Variants in GPR153 observed in about 807,000 individuals in gnomAD.
GPR153 encodes probable G protein-coupled receptor 153.
GPR153 carries 27 observed loss-of-function variants against 34.1 expected under a neutral mutation model. The ratio of observed to expected loss-of-function variants is 0.79; its 90% confidence interval spans 0.58 to 1.09. The LOEUF (loss-of-function observed/expected upper bound fraction) is 1.09. Among genes scored for constraint, GPR153 ranks in the 50% least tolerant of loss-of-function variants. The pLI is 0.00. For synonymous variants in GPR153, 408 were observed against 405.4 expected (o/e 1.01, Z -0.08); for missense variants, 848 against 860.2 (o/e 0.99, Z 0.18).
At position 6,261,037 on chromosome 1, in the gene GPR153, GCGC is replaced by G. The variant is rs922469304; in HGVS notation, c.-325_-323del. 3.4e-5 allele frequency: 5 copies of G among 147,098 alleles called. No homozygotes were observed. The highest frequency in any genetic ancestry group is 2.0e-4 in the South Asian group (1 of 4,970). 9.1% of individuals were successfully genotyped at this position (147,098 alleles called of 1,614,324 possible). On this transcript the variant is annotated 5_prime_UTR_variant, in exon 1 of 6. Transcript: ENST00000377893. ...GCCCCGCCGCCCCTCCCTCCCCTAG[GCGC>G]CGCCGCCGCCGCCGCGCTTCGCTCA... is the stretch of plus-strand genomic sequence containing the variant.
rs954608114 is a variant in GPR153, at chr1:6,251,967, C to T, written c.787-437G>A. On this transcript the variant is annotated intron_variant, in intron 3 of 5. Transcript: ENST00000377893. This position sits in a 1 kb window ranked among gnomAD's most constrained non-coding sequence, Gnocchi z 4.9. ...TGAATCACTGTGCCCGGCTGCCATC[C>T]CCTTTTTGAGATGAGGAAACTGAGG... is the stretch of plus-strand genomic sequence containing the variant. 2.0e-5 allele frequency among the ~76,000 whole-genome samples: 3 copies of T among 152,158 alleles called. No homozygotes were observed. The highest frequency in any genetic ancestry group is 7.2e-5 in the African/African-American group (3 of 41,432).
rs529208170 is a variant in GPR153, at chr1:6,255,230, G to A, written c.-109-216C>T. Among the ~76,000 whole-genome samples, 188 of 149,590 alleles carry A rather than the reference G, an allele frequency of 1.3e-3. 1 individual carries two copies. The highest frequency in any genetic ancestry group is 7.1e-3 in the South Asian group (34 of 4,768). ...TTTTTTTTTTTGGAGACAGAGTCTC[G>A]CTCCGTAGCCCAGGCTGGAGTGCAG... On this transcript the variant is annotated intron_variant, in intron 1 of 5. Transcript: ENST00000377893.
At position 6,251,318 on chromosome 1, in the gene GPR153, C is replaced by A; in HGVS notation, c.979+20G>T. 1 of 1,577,352 alleles carries A rather than the reference C, an allele frequency of 6.3e-7. No homozygotes were observed. The highest frequency in any genetic ancestry group is 1.2e-5 in the South Asian group (1 of 86,244). ...ACCTAGACGCCACTCTCCCTGGGGC[C>A]ACTCTCAGGCCATCCTCACCATCGT... On this transcript the variant is annotated intron_variant, in intron 4 of 5. Transcript: ENST00000377893. This position sits in a 1 kb window ranked among gnomAD's most constrained non-coding sequence, Gnocchi z 4.9.
chr1:6,258,626 C>T (rs79532140), intron 1 of GPR153, among the ~76,000 whole-genome samples: 2,730 of 152,296 alleles, frequency 0.018, 99 homozygotes, highest in African/African-American at 0.062. Context: ...TGTGAGTAAG[C>T]GCTGTGAGCA....
Position 6,249,880 on chromosome 1 carries a change from G to T in GPR153, c.1288C>A (p.Pro430Thr). The T allele has an allele frequency of 7.8e-7, 1 of 1,290,108 alleles. No individual in the cohort carries two copies. The highest frequency in any genetic ancestry group is 9.9e-7 in the Non-Finnish European group (1 of 1,015,050). 79.9% of individuals were successfully genotyped at this position (1,290,108 alleles called of 1,614,324 possible). ...GCGCGGCGCCGCTCGGGCCCGGCAG[G>T]CAGCACCAGGTGCGCCAGGGCGGCC... ...DLAALAHLVL[P>T]AGPERRRASL... The change falls in exon 6 of 6, where the codon CCT (proline) becomes ACT (threonine). Residue 430 changes from proline to threonine, a missense_variant. Coordinates refer to ENST00000377893, the MANE Select transcript of GPR153 (RefSeq NM_207370.4). This position sits in a 1 kb window ranked among gnomAD's most constrained non-coding sequence, Gnocchi z 4.3.
In GPR153 at chr1:6,249,262, A is replaced by C. The variant is rs1638375122; in HGVS notation, c.*76T>G. On this transcript the variant is annotated 3_prime_UTR_variant, in exon 6 of 6. Coordinates refer to ENST00000377893, the MANE Select transcript of GPR153 (RefSeq NM_207370.4). The surrounding 1 kb of genome is among the most constrained non-coding windows in gnomAD (Gnocchi z 4.3). ...TGGCGCATGTCTGCGCGCGGGGCGG[A>C]GGCGGGCGTCTTTGGTGCTGCGGCC... 3 of 1,072,078 alleles carry C rather than the reference A, an allele frequency of 2.8e-6. No individual in the cohort carries two copies. Among genetic ancestry groups the C allele is most frequent in the African/African-American group, 3.3e-5 (2 of 60,646 alleles). The allele number at this position is 1,072,078 out of a possible 1,614,324, so 66.4% of individuals were successfully genotyped here.
chr1:6,251,408 G>A lies in GPR153; in HGVS notation c.909C>T (p.Tyr303=). ...CCCGGACAGCTTTGAGGTCAGCCCG[G>A]TAGCGGTCGCAGGCCCAGAGGAACA... ...LPVFLWACDR[Y]RADLKAVREK... The change falls in exon 4 of 6, where the codon TAC becomes TAT. Residue 303 remains tyrosine, a synonymous_variant. Transcript: ENST00000377893. The surrounding 1 kb of genome is among the most constrained non-coding windows in gnomAD (Gnocchi z 4.9). 1.9e-6 allele frequency: 3 copies of A among 1,613,618 alleles called. No homozygotes were observed. The highest frequency in any genetic ancestry group is 2.5e-6 in the Non-Finnish European group (3 of 1,179,960).
chr1:6,249,414 C>A lies in GPR153; in HGVS notation c.1754G>T (p.Ser585Ile). ...CTCGGAGGGGGAACTCAGGAAGCTG[C>A]TGGTGCTGCCGCCGCCGCCCGCCGC... ...LRAAGGGGST[S>I]SFLSSPSESS... Residue 585 changes from serine (S) to isoleucine (I), a missense_variant, in exon 6 of 6, where the codon AGC becomes ATC. Physicochemically the swap from Ser to Ile is moderately radical, Grantham distance 142. Transcript: ENST00000377893. The surrounding 1 kb of genome is among the most constrained non-coding windows in gnomAD (Gnocchi z 4.3). 7.3e-7 allele frequency: 1 copy of A among 1,374,506 alleles called. No individual in the cohort carries two copies. The allele number at this position is 1,374,506 out of a possible 1,614,324, so 85.1% of individuals were successfully genotyped here.
chr1:6,255,642 GTTTTTTTTT>G (rs59403526), intron 1 of GPR153, among the ~76,000 whole-genome samples: 15 of 38,850 alleles, frequency 3.9e-4, no homozygotes, highest in African/African-American at 1.2e-3. Flanking sequence ...GCCTGGCTAC[GTTTTTTTTT>G]TTTTTTTTTT....
chr1:6,249,545 T>C lies in GPR153; in HGVS notation c.1623A>G (p.Pro541=). 1.7e-6 allele frequency: 2 copies of C among 1,197,360 alleles called. No homozygotes were observed. Among genetic ancestry groups the C allele is most frequent in the Non-Finnish European group, 2.1e-6 (2 of 966,468 alleles). 74.2% of individuals were successfully genotyped at this position (1,197,360 alleles called of 1,614,324 possible). The change falls in exon 6 of 6, where the codon CCA becomes CCG. Residue 541 remains proline, a synonymous_variant. Coordinates refer to ENST00000377893, the MANE Select transcript of GPR153 (RefSeq NM_207370.4). This position sits in a 1 kb window ranked among gnomAD's most constrained non-coding sequence, Gnocchi z 4.3. ...GADPGEAPTP[P]SSAQRSPGPR... ...GCCCTGGGCTCCGCTGGGCGCTGCT[T>C]GGGGGCGTCGGGGCCTCTCCGGGAT...
Position 6,254,839 on chromosome 1 carries a change from G to A in GPR153, c.67C>T (p.Leu23=). The A allele has an allele frequency of 6.2e-7, 1 of 1,608,268 alleles. No individual in the cohort carries two copies. The highest frequency in any genetic ancestry group is 8.5e-7 in the Non-Finnish European group (1 of 1,177,544). ...CTGAGGATGCCCCAGGCATTGGCCA[G>A]CAGGGAGAGGCCCCCACATACCAGC... ...GWLVCGGLSL[L]ANAWGILSVG... is the part of the protein sequence containing the mutation. Residue 23 remains leucine, a synonymous_variant, in exon 2 of 6, where the codon CTG becomes TTG. Coordinates refer to ENST00000377893, the MANE Select transcript of GPR153 (RefSeq NM_207370.4).
In GPR153 at chr1:6,249,935, G is replaced by A; in HGVS notation, c.1233C>T (p.Phe411=). ...DVWAAVPLPA[F]LPRWGSGEDL... ...CCTCGCCGGAGCCCCAGCGCGGCAG[G>A]AAGGCGGGCAGCGGGACGGCGGCCC... Residue 411 remains phenylalanine (F), a synonymous_variant, in exon 6 of 6, where the codon TTC becomes TTT. Transcript: ENST00000377893. The surrounding 1 kb of genome is among the most constrained non-coding windows in gnomAD (Gnocchi z 4.3). 7.8e-7 allele frequency: 1 copy of A among 1,284,280 alleles called. No homozygotes were observed. Among genetic ancestry groups the A allele is most frequent in the Non-Finnish European group, 9.9e-7 (1 of 1,010,722 alleles). The allele number at this position is 1,284,280 out of a possible 1,614,324, so 79.6% of individuals were successfully genotyped here.
chr1:6,259,058 C>T (rs1056418595), intron 1 of GPR153, among the ~76,000 whole-genome samples: 2 of 152,140 alleles, frequency 1.3e-5, no homozygotes, highest in Non-Finnish European at 2.9e-5. Flanking sequence ...CCCGGGAGTT[C>T]GAGACCAGCT....
Position 6,249,255 on chromosome 1 carries a change from G to GGC in GPR153, c.*82_*83insGC. On this transcript the variant is annotated 3_prime_UTR_variant, in exon 6 of 6. Transcript: ENST00000377893. This position sits in a 1 kb window ranked among gnomAD's most constrained non-coding sequence, Gnocchi z 4.3. Reference sequence around the variant, plus strand: ...GGAGGGGTGGCGCATGTCTGCGCGCGGGGCGGAGGCGGGCGTCTTTGGTGC... The same window carrying GGC: ...GGAGGGGTGGCGCATGTCTGCGCGCGGCGGGCGGAGGCGGGCGTCTTTGGTGC... The GGC allele has an allele frequency of 9.7e-7, 1 of 1,034,204 alleles. No individual in the cohort carries two copies. The highest frequency in any genetic ancestry group is 1.2e-6 in the Non-Finnish European group (1 of 806,948). The allele number at this position is 1,034,204 out of a possible 1,614,324, so 64.1% of individuals were successfully genotyped here.
chr1:6,251,504 G>A lies in GPR153; in HGVS notation c.813C>T (p.Ala271=), dbSNP rs151054474. Residue 271 remains alanine, a synonymous_variant, in exon 4 of 6, where the codon GCC becomes GCT. Transcript: ENST00000377893. This position sits in a 1 kb window ranked among gnomAD's most constrained non-coding sequence, Gnocchi z 4.9. ...GTGCCATCCAGGGCGCTGAGGCGTC[G>A]GCCCGCAGGCTGCTGAAGCTCACCA... ...VLVVSFSSLR[A]DASAPWMALC... 6.3e-4 allele frequency: 1,015 copies of A among 1,606,036 alleles called. 6 individuals are homozygous for A. In the South Asian group the frequency reaches 8.0e-3, roughly 13 times the overall value.
chr1:6,250,446 G>T lies in GPR153; in HGVS notation c.1158C>A (p.Tyr386Ter). 1 of 1,598,008 alleles carries T rather than the reference G, an allele frequency of 6.3e-7. No homozygotes were observed. The highest frequency in any genetic ancestry group is 8.5e-7 in the Non-Finnish European group (1 of 1,172,748). The change falls in exon 5 of 6, where the codon TAC (tyrosine) becomes TAA (stop). Residue 386 changes from tyrosine (Y) to a stop codon, truncating the protein, a stop_gained. Transcript: ENST00000377893. LOFTEE classifies it low-confidence loss of function (END_TRUNC). ...CCCCCAGCCCTGCGCTCACCTGCAG[G>T]TATTGCATCTTGTCCTCCTGCAAGG... ...LRPLQEDKMQ[Y>*]LQVPPTRRFS...
At chr1:6,258,617 G>A (rs1638611480) in intron 1 of GPR153, among the ~76,000 whole-genome samples, 2 of 152,238 alleles carry the variant, frequency 1.3e-5, no homozygotes. Flanking sequence ...CAGACAGAGT[G>A]TGAGTAAGCG....
Position 6,250,528 on chromosome 1 carries a change from G to T in GPR153, c.1076C>A (p.Ala359Asp), listed in dbSNP as rs759672965. 3 of 1,607,976 alleles carry T rather than the reference G, an allele frequency of 1.9e-6. No individual in the cohort carries two copies. Among genetic ancestry groups the T allele is most frequent in the African/African-American group, 2.7e-5 (2 of 74,788 alleles). ...CTCCAGGGCGGAGATCTCATACTTG[G>T]CCATCCTATCTAGGGCCACAAAATC... ...GGDFVALDRMAKYEISALEGG... is the reference protein window; with the variant it reads ...GGDFVALDRMDKYEISALEGG... The change falls in exon 5 of 6, where the codon GCC becomes GAC. Residue 359 changes from alanine to aspartate, a missense_variant. Physicochemically the swap from Ala to Asp is moderately radical, Grantham distance 126. Transcript: ENST00000377893.
rs1638436847 is a variant in GPR153 at position 6,251,013 on chromosome 1, C to A, written c.979+325G>T. 6.6e-6 allele frequency among the ~76,000 whole-genome samples: 1 copy of A among 152,098 alleles called. No homozygotes were observed. The highest frequency in any genetic ancestry group is 1.5e-5 in the Non-Finnish European group (1 of 68,016). On this transcript the variant is annotated intron_variant, in intron 4 of 5. Transcript: ENST00000377893. This position sits in a 1 kb window ranked among gnomAD's most constrained non-coding sequence, Gnocchi z 4.9. Reference sequence around the variant, plus strand: ...CCTCGGTCTGCAGGAGCCCCCAGGGCAGCTTGCTGGGGATCCCTGAGGTTG... The same window carrying A: ...CCTCGGTCTGCAGGAGCCCCCAGGGAAGCTTGCTGGGGATCCCTGAGGTTG...
Sources: allele counts gnomAD v4.1 joint callset (sites outside exome capture counted in the v4.1 genomes callset), GRCh38; gene constraint gnomAD v4.1.1; non-coding constraint Gnocchi (gnomAD v3.1); transcripts MANE v1.5; gene names NCBI Gene and HGNC (gene_info 2026-07-23, HGNC 2026-07-21).